DYNLL1: variants seen among roughly 807,000 people sequenced by gnomAD.
The protein encoded by DYNLL1 is dynein light chain LC8-type 1.
DYNLL1 carries 3 observed loss-of-function variants against 10.1 expected under a neutral mutation model. The ratio of observed to expected loss-of-function variants is 0.30; its 90% CI spans 0.14 to 0.77. The LOEUF is 0.77. Ranked by LOEUF, DYNLL1 falls within the 30% of genes least tolerant of loss-of-function variation. DYNLL1 has a pLI of 0.66. For missense variants in DYNLL1, 47 were observed against 111.7 expected (o/e 0.42, Z 2.61); for synonymous variants, 46 against 41.2 (o/e 1.12, Z -0.45).
intron 1 of DYNLL1, among the ~76,000 whole-genome samples, chr12:120,489,774 GTCTCT>G (rs1194448320): frequency 6.6e-6 from 1 of 152,120 alleles, no homozygotes; most frequent in Non-Finnish European, 1.5e-5. Context: ...TTGAGGTGGA[GTCTCT>G]CTCTGTCACC....
At chr12:120,494,290 CTTT>C (rs550901143), upstream of DYNLL1, among the ~76,000 whole-genome samples, 3 of 141,646 alleles carry the variant, frequency 2.1e-5, no homozygotes, top group Non-Finnish European at 3.1e-5. Flanking sequence ...CATTTTTTTC[CTTT>C]TTTTTTTTTT....
intron 1 of DYNLL1, among the ~76,000 whole-genome samples, chr12:120,486,611 C>T (rs59253114): frequency 0.029 from 4,438 of 152,002 alleles, 225 homozygotes; most frequent in African/African-American, 0.1. Context: ...CTGGAACTAC[C>T]GGCACACCCC....
At chr12:120,480,973 A>C (rs1027250572) in intron 1 of DYNLL1, among the ~76,000 whole-genome samples, 20 of 151,886 alleles carry the variant, frequency 1.3e-4, no homozygotes, top group Middle Eastern at 3.2e-3. Flanking sequence ...GTTCGCCAGG[A>C]TGGTCTCGAT....
intron 1 of DYNLL1, among the ~76,000 whole-genome samples, chr12:120,479,449 C>CAAAAAAAAAAAAAAAA (rs71076617): frequency 1.3e-5 from 1 of 76,112 alleles, no homozygotes; most frequent in Non-Finnish European, 2.6e-5. Context: ...ACTCCGTCTC[C>CAAAAAAAAAAAAAAAA]AAAAAAAAAA....
Position 120,479,449 on chromosome 12 carries a change from C to CA in DYNLL1, c.-7+9366dup, listed in dbSNP as rs71076617. 3.9e-3 allele frequency among the ~76,000 whole-genome samples: 292 copies of CA among 75,844 alleles called. 1 individual carries two copies. Among genetic ancestry groups the CA allele is most frequent in the African/African-American group, 5.7e-3 (115 of 20,024 alleles). The allele number at this position is 75,844 out of a possible 152,430, so 49.8% of individuals were successfully genotyped here. ...GGCATCAAGAGTGAAACTCCGTCTC[C>CA]AAAAAAAAAAAAAAAAAAAAATAAT... is the stretch of plus-strand genomic sequence containing the variant. On this transcript the variant is annotated intron_variant, in intron 1 of 2. Coordinates refer to the DYNLL1 transcript ENST00000392509.
upstream of DYNLL1, among the ~76,000 whole-genome samples, chr12:120,492,366 G>A (rs540101296): frequency 5.1e-4 from 78 of 152,092 alleles, no homozygotes; most frequent in Admixed American, 8.5e-4. This position sits in a 1 kb window ranked among gnomAD's most constrained non-coding sequence, Gnocchi z 4.1. Context: ...TCTGGAGTTC[G>A]AGACCAGCCT....
At chr12:120,497,458 A>G (rs1868487951) in intron 2 of DYNLL1, 2 of 152,552 alleles carry the variant, frequency 1.3e-5, no homozygotes, top group African/African-American at 4.8e-5. Context: ...TTGGATAATA[A>G]TTAAGGATAA....
chr12:120,496,177 C>T lies in DYNLL1; in HGVS notation c.-46C>T. ...GGGCCTGAGCTGTGCTAGCACCTCC[C>T]CCAGGAGACCGTTGCAGTCGGCCAG... is the stretch of plus-strand genomic sequence containing the variant. On this transcript the variant is annotated 5_prime_UTR_variant, in exon 1 of 3. Coordinates refer to ENST00000242577, the MANE Select transcript of DYNLL1 (RefSeq NM_003746.3). 1 of 615,032 alleles carries T rather than the reference C, an allele frequency of 1.6e-6. No homozygotes were observed. Among genetic ancestry groups the T allele is most frequent in the South Asian group, 2.0e-5 (1 of 51,168 alleles). 38.1% of individuals were successfully genotyped at this position (615,032 alleles called of 1,614,324 possible).
chr12:120,478,903 T>G (rs1878815075), intron 1 of DYNLL1, among the ~76,000 whole-genome samples: 1 of 147,872 alleles, frequency 6.8e-6, no homozygotes, highest in African/African-American at 2.5e-5. Flanking sequence ...CAGGCTGGTC[T>G]TGAACTCCTG....
intron 1 of DYNLL1, among the ~76,000 whole-genome samples, chr12:120,483,478 A>T (rs1878929425): frequency 6.6e-6 from 1 of 152,194 alleles, no homozygotes; most frequent in African/African-American, 2.4e-5. Flanking sequence ...GAAAACTTCT[A>T]GATCTCTCTC....
intron 1 of DYNLL1, among the ~76,000 whole-genome samples, chr12:120,470,419 C>T (rs547097190): frequency 6.6e-6 from 1 of 152,208 alleles, no homozygotes; most frequent in African/African-American, 2.4e-5. Flanking sequence ...CATCCCAGAA[C>T]GCGGAGCATT....
intron 1 of DYNLL1, among the ~76,000 whole-genome samples, chr12:120,479,456 A>AT (rs1878831014): frequency 4.8e-5 from 4 of 82,798 alleles, no homozygotes; most frequent in African/African-American, 1.4e-4. Context: ...CTCCAAAAAA[A>AT]AAAAAAAAAA....
chr12:120,481,855 TG>T lies in DYNLL1; in HGVS notation c.-7+11752del, dbSNP rs571119094. Among the ~76,000 whole-genome samples the T allele has an allele frequency of 5.3e-5, 8 of 152,324 alleles. No individual in the cohort carries two copies. In the South Asian group the frequency reaches 1.7e-3, roughly 32 times the overall value. Reference sequence around the variant, plus strand: ...AAATGATTAAATTTTGTCTTCTTTTTGTTTGTTTTAGAGACAGGGGTCTCGC... The same window carrying T: ...AAATGATTAAATTTTGTCTTCTTTTTTTTGTTTTAGAGACAGGGGTCTCGC... On this transcript the variant is annotated intron_variant, in intron 1 of 2. Transcript: ENST00000392509.
intron 1 of DYNLL1, among the ~76,000 whole-genome samples, chr12:120,470,538 CT>C (rs1878623635): frequency 6.6e-6 from 1 of 152,172 alleles, no homozygotes; most frequent in African/African-American, 2.4e-5. Context: ...GCGAACACGG[CT>C]CACTGCAGTC....
upstream of DYNLL1, chr12:120,491,357 T>TGGAA (rs1879123314): frequency 9.5e-6 from 1 of 105,034 alleles, no homozygotes; most frequent in Non-Finnish European, 2.1e-5. Context: ...CCCAGGCTGG[T>TGGAA]GCCAGCCCTT....
At chr12:120,484,211 A>G (rs2137062536) in intron 1 of DYNLL1, among the ~76,000 whole-genome samples, 1 of 152,190 alleles carries the variant, frequency 6.6e-6, no homozygotes, top group East Asian at 1.9e-4. Context: ...GAAACTGATG[A>G]TGCAGGAGAG....
At chr12:120,496,726 C>T (rs1593008235) in intron 2 of DYNLL1, 173 bp downstream of exon 2, 2 of 946,660 alleles carry the variant, frequency 2.1e-6, no homozygotes, top group South Asian at 1.7e-5. Flanking sequence ...GAAGACCAGA[C>T]CCCCGGCGTC....
At chr12:120,487,430 G>A (rs948843941) in intron 1 of DYNLL1, among the ~76,000 whole-genome samples, 1 of 150,720 alleles carries the variant, frequency 6.6e-6, no homozygotes, top group Non-Finnish European at 1.5e-5. Context: ...CCGAGTAGCT[G>A]GGACTACAGG....
At chr12:120,471,335 T>C (rs1228384223) in intron 1 of DYNLL1, among the ~76,000 whole-genome samples, 1 of 151,584 alleles carries the variant, frequency 6.6e-6, no homozygotes, top group Admixed American at 6.6e-5. Context: ...ATTGTGCCAC[T>C]GCACTCCTCC....
Sources: allele counts gnomAD v4.1 joint callset (sites outside exome capture counted in the v4.1 genomes callset), GRCh38; gene constraint gnomAD v4.1.1; non-coding constraint Gnocchi (gnomAD v3.1); transcripts MANE v1.5; gene names NCBI Gene and HGNC (gene_info 2026-07-23, HGNC 2026-07-21).